The following ROBO2 variants were observed in gnomAD, a reference collection of about 807,000 sequenced individuals.
ROBO2 encodes roundabout homolog 2.
Under a neutral mutation model 160.8 loss-of-function variants are expected in ROBO2, and 53 were observed. That is an observed-to-expected ratio of 0.33 (90% CI 0.26 to 0.41). ROBO2 has a LOEUF of 0.41. Among genes scored for constraint, ROBO2 ranks in the 10% least tolerant of loss-of-function variants. ROBO2 has a pLI of 1.00. For synonymous variants in ROBO2, 664 were observed against 611.7 expected (o/e 1.09, Z -1.26); for missense variants, 1,577 against 1,722.4 (o/e 0.92, Z 1.49).
At chr3:76,121,592 G>T (rs556272680) in intron 2 of ROBO2, among the ~76,000 whole-genome samples, 16 of 152,276 alleles carry the variant, frequency 1.1e-4, no homozygotes, top group Middle Eastern at 6.8e-3. Context: ...GACATGTGCT[G>T]CCTACAGTAC....
At chr3:77,453,511 G>A (rs992234769) in intron 2 of ROBO2, among the ~76,000 whole-genome samples, 11 of 151,772 alleles carry the variant, frequency 7.2e-5, no homozygotes, top group African/African-American at 2.7e-4. Context: ...AAAAGGAATT[G>A]TAGATAATCT....
At chr3:76,590,425 T>C (rs1029208785) in intron 2 of ROBO2, among the ~76,000 whole-genome samples, 1 of 152,138 alleles carries the variant, frequency 6.6e-6, no homozygotes. Flanking sequence ...ATTGTGTTCA[T>C]GAAATTGGCA....
chr3:76,393,127 G>A (rs919258677), intron 2 of ROBO2, among the ~76,000 whole-genome samples: 6 of 152,050 alleles, frequency 3.9e-5, no homozygotes, highest in African/African-American at 4.8e-5. Context: ...ATATAACATC[G>A]TTTTGTGTAT....
At chr3:76,079,210 G>A (rs2068738052) in intron 2 of ROBO2, among the ~76,000 whole-genome samples, 1 of 152,102 alleles carries the variant, frequency 6.6e-6, no homozygotes, top group Non-Finnish European at 1.5e-5. Context: ...TTAGATGAAA[G>A]TAATAAAATC....
At chr3:76,608,487 T>C (rs2087829954) in intron 2 of ROBO2, among the ~76,000 whole-genome samples, 1 of 152,164 alleles carries the variant, frequency 6.6e-6, no homozygotes, top group Admixed American at 6.5e-5. Context: ...CCTAAGCCCC[T>C]TACATCCAGA....
At chr3:76,050,760 T>A (rs971416148) in intron 2 of ROBO2, among the ~76,000 whole-genome samples, 2 of 152,216 alleles carry the variant, frequency 1.3e-5, no homozygotes, top group African/African-American at 4.8e-5. Flanking sequence ...AAATGCCTTC[T>A]TCCCTCCTAC....
intron 2 of ROBO2, among the ~76,000 whole-genome samples, chr3:77,455,274 C>T (rs1226093497): frequency 6.6e-6 from 1 of 152,134 alleles, no homozygotes; most frequent in Non-Finnish European, 1.5e-5. Context: ...AAAAGTGTTT[C>T]AGCAGTTACA....
At chr3:77,203,742 C>T (rs2083143821) in intron 2 of ROBO2, among the ~76,000 whole-genome samples, 1 of 152,140 alleles carries the variant, frequency 6.6e-6, no homozygotes, top group Admixed American at 6.5e-5. Flanking sequence ...GCGGCTGAAA[C>T]TGCCGCTGTT....
chr3:77,330,168 C>G (rs1033687344), intron 2 of ROBO2, among the ~76,000 whole-genome samples: 1 of 152,042 alleles, frequency 6.6e-6, no homozygotes, highest in African/African-American at 2.4e-5. Context: ...AGAGAATAAC[C>G]TAGAACTTGG....
intron 2 of ROBO2, among the ~76,000 whole-genome samples, chr3:76,266,050 TG>T (rs1707082588): frequency 6.6e-6 from 1 of 151,884 alleles, no homozygotes; most frequent in Non-Finnish European, 1.5e-5. Flanking sequence ...AAGGATAAAA[TG>T]TGAAGGAAAT....
chr3:77,183,895 A>G (rs2081038020), intron 2 of ROBO2, among the ~76,000 whole-genome samples: 2 of 152,036 alleles, frequency 1.3e-5, no homozygotes, highest in Admixed American at 6.6e-5. Context: ...GTTGATTTGC[A>G]CTGTGCTGCT....
rs1377854643 is a variant in ROBO2, at chr3:76,119,916, C to CCCTCCCTTCCTTCCTCCCTTCCTTCCTT, written c.109+182317_109+182318insCCCTTCCTTCCTCCCTTCCTTCCTTCCT. Among the ~76,000 whole-genome samples the CCCTCCCTTCCTTCCTCCCTTCCTTCCTT allele has an allele frequency of 1.7e-3, 152 of 88,176 alleles. 8 individuals carry two copies. The highest frequency in any genetic ancestry group is 6.8e-3 in the African/African-American group (142 of 20,902). 57.8% of individuals were successfully genotyped at this position (88,176 alleles called of 152,430 possible). On this transcript the variant is annotated intron_variant, in intron 2 of 26. Coordinates refer to the ROBO2 transcript ENST00000487694. ...CCTTCCTTCCCTTCCTTCCCTCCCT[C>CCCTCCCTTCCTTCCTCCCTTCCTTCCTT]CCTTCCTTCCTTCCTTCCTTCCTTC...
chr3:76,801,972 AGAG>A (rs1422361923), intron 2 of ROBO2, among the ~76,000 whole-genome samples: 1 of 152,306 alleles, frequency 6.6e-6, no homozygotes, highest in East Asian at 1.9e-4. Context: ...ATGGCTGGTC[AGAG>A]GAGAAGTCAG....
intron 2 of ROBO2, among the ~76,000 whole-genome samples, chr3:77,452,383 C>G (rs2081207466): frequency 6.6e-6 from 1 of 152,134 alleles, no homozygotes; most frequent in African/African-American, 2.4e-5. Flanking sequence ...CCGCTCTCTC[C>G]TTCTGAGCAT....
intron 4 of ROBO2, among the ~76,000 whole-genome samples, chr3:77,485,031 T>C (rs2085179655): frequency 6.6e-6 from 1 of 152,134 alleles, no homozygotes; most frequent in South Asian, 2.1e-4. Context: ...ACTACAGTCT[T>C]CCCTGAGGCT....
intron 2 of ROBO2, among the ~76,000 whole-genome samples, chr3:76,516,046 G>T (rs1482411238): frequency 6.6e-6 from 1 of 152,070 alleles, no homozygotes; most frequent in Non-Finnish European, 1.5e-5. Flanking sequence ...ACATCTAGTG[G>T]ACCTTGGTTT....
chr3:76,281,781 C>T (rs150863852), intron 2 of ROBO2, among the ~76,000 whole-genome samples: 86 of 151,994 alleles, frequency 5.7e-4, no homozygotes, highest in African/African-American at 2.0e-3. Context: ...ATCTTAGCAC[C>T]AAACATTGTT....
At chr3:76,231,443 G>A (rs947790950) in intron 2 of ROBO2, among the ~76,000 whole-genome samples, 2 of 151,952 alleles carry the variant, frequency 1.3e-5, no homozygotes, top group Non-Finnish European at 2.9e-5. Flanking sequence ...TGCCTGATAG[G>A]TATACCGTTT....
At chr3:77,317,621 G>A (rs1421960035) in intron 2 of ROBO2, 1 of 877,726 alleles carries the variant, frequency 1.1e-6, no homozygotes, top group African/African-American at 2.0e-5. Context: ...CTGCTCAAAG[G>A]TGGCGGCGGG....
Sources: gnomAD v4.1 joint callset for allele counts (sites outside exome capture counted in the v4.1 genomes callset) on GRCh38, gnomAD v4.1.1 for gene constraint, MANE v1.5 for transcripts, NCBI Gene and HGNC (gene_info 2026-07-23, HGNC 2026-07-21) for gene names.